XKR9: variants seen among roughly 807,000 people sequenced by gnomAD.
XKR9 encodes XK related 9, also known as XK-related protein 9.
In XKR9, 32 loss-of-function variants were observed where a neutral mutation model predicts 32.0. The ratio of observed to expected loss-of-function variants is 1.00; its 90% CI spans 0.76 to 1.34. XKR9 has a LOEUF of 1.34. Among genes scored for constraint, XKR9 ranks in the 40% most tolerant of loss-of-function variants. XKR9 has a pLI of 0.00. For synonymous variants in XKR9, 168 were observed against 143.4 expected (o/e 1.17, Z -1.22); for missense variants, 546 against 429.7 (o/e 1.27, Z -2.39).
the XKR9 span, among the ~76,000 whole-genome samples, chr8:70,915,034 G>T: frequency 2.0e-5 from 3 of 151,930 alleles, no homozygotes; most frequent in African/African-American, 7.3e-5. Context: ...CTAGGGAATG[G>T]GGAATGTGAT....
intron 3 of XKR9, among the ~76,000 whole-genome samples, chr8:70,696,962 A>G (rs1805302772): frequency 6.6e-6 from 1 of 150,770 alleles, no homozygotes; most frequent in African/African-American, 2.4e-5. Context: ...ATGGGAGTTC[A>G]CTCATGATTT....
chr8:70,736,212 C>T (rs558966447), downstream of XKR9, among the ~76,000 whole-genome samples: 1 of 152,224 alleles, frequency 6.6e-6, no homozygotes, highest in African/African-American at 2.4e-5. Flanking sequence ...CTCTGATGGC[C>T]AGTGATGGTG....
chr8:70,898,384 A>G, the XKR9 span, among the ~76,000 whole-genome samples: 1 of 152,126 alleles, frequency 6.6e-6, no homozygotes, highest in Non-Finnish European at 1.5e-5. Flanking sequence ...TGCGCAGGAC[A>G]GCTTTGGCTA....
chr8:70,734,002 CTGT>C lies in XKR9; in HGVS notation c.705_707del (p.Leu236del), dbSNP rs1490521340. On this transcript the variant is annotated inframe_deletion, in exon 5 of 5. Transcript: ENST00000408926. ...CTTAAATGTTAAGATTGCTTTATTT[CTGT>C]TGTTATTTCTTTGGTTGTTAGGTAT... The C allele has an allele frequency of 1.9e-6, 3 of 1,612,278 alleles. No homozygotes were observed. The highest frequency in any genetic ancestry group is 1.1e-5 in the South Asian group (1 of 90,504).
the XKR9 span, among the ~76,000 whole-genome samples, chr8:70,899,915 G>GTAT: frequency 1.3e-5 from 2 of 152,032 alleles, no homozygotes; most frequent in Non-Finnish European, 2.9e-5. Flanking sequence ...TTTTTTGAGA[G>GTAT]TATCTGTAGA....
At chr8:70,857,183 A>G in the XKR9 span, among the ~76,000 whole-genome samples, 4 of 151,464 alleles carry the variant, frequency 2.6e-5, no homozygotes, top group African/African-American at 4.8e-5. Context: ...ATGAATCCAG[A>G]AGCTGGTTTT....
the XKR9 span, among the ~76,000 whole-genome samples, chr8:71,012,798 C>T: frequency 2.4e-3 from 367 of 152,238 alleles, 12 homozygotes; most frequent in East Asian, 0.059. Flanking sequence ...CTCAAGTAGT[C>T]CACATTCAGA....
chr8:70,803,689 G>A, the XKR9 span, among the ~76,000 whole-genome samples: 2 of 152,190 alleles, frequency 1.3e-5, no homozygotes, highest in African/African-American at 4.8e-5. Context: ...ATTTTAGCCT[G>A]CTTCTGGGTC....
the XKR9 span, among the ~76,000 whole-genome samples, chr8:70,886,967 A>T: frequency 1.3e-5 from 2 of 152,082 alleles, no homozygotes; most frequent in African/African-American, 4.8e-5. Flanking sequence ...GCTTATGCCT[A>T]TGTTCTTTAC....
At chr8:70,917,492 A>G in the XKR9 span, among the ~76,000 whole-genome samples, 3 of 151,904 alleles carry the variant, frequency 2.0e-5, no homozygotes, top group African/African-American at 7.3e-5. Flanking sequence ...TTTTGACTCT[A>G]TGATGGGTTT....
intron 3 of XKR9, among the ~76,000 whole-genome samples, chr8:70,699,850 A>G (rs1391312404): frequency 1.3e-5 from 2 of 152,138 alleles, no homozygotes; most frequent in African/African-American, 4.8e-5. Flanking sequence ...CTTTTCACAT[A>G]GTCCCATATT....
At chr8:71,050,256 T>TAGATAG in the XKR9 span, among the ~76,000 whole-genome samples, 3 of 130,898 alleles carry the variant, frequency 2.3e-5, no homozygotes, top group African/African-American at 9.9e-5. Flanking sequence ...TATATATATA[T>TAGATAG]ATATAGATAG....
the XKR9 span, among the ~76,000 whole-genome samples, chr8:70,809,719 T>A: frequency 5.9e-5 from 9 of 151,846 alleles, no homozygotes; most frequent in South Asian, 8.3e-4. Flanking sequence ...ATGAATGAAA[T>A]GAAGTGAGAA....
downstream of XKR9, among the ~76,000 whole-genome samples, chr8:70,736,288 G>T (rs563550316): frequency 2.7e-5 from 4 of 150,516 alleles, no homozygotes; most frequent in African/African-American, 9.7e-5. Flanking sequence ...GTCTGTTCAT[G>T]TCCTTCGCCC....
the XKR9 span, among the ~76,000 whole-genome samples, chr8:70,826,791 T>C: frequency 6.6e-6 from 1 of 152,182 alleles, no homozygotes; most frequent in African/African-American, 2.4e-5. Flanking sequence ...CATTTTAAAA[T>C]AAAAATGCTC....
chr8:70,955,914 T>G, the XKR9 span, among the ~76,000 whole-genome samples: 1 of 152,184 alleles, frequency 6.6e-6, no homozygotes, highest in African/African-American at 2.4e-5. Context: ...TACAAGCCAC[T>G]TCCGCAGTGG....
the XKR9 span, among the ~76,000 whole-genome samples, chr8:71,046,797 A>G: frequency 6.6e-6 from 1 of 152,220 alleles, no homozygotes; most frequent in South Asian, 2.1e-4. Flanking sequence ...GATCGAGTGA[A>G]TATGATTTAG....
intron 2 of XKR9, among the ~76,000 whole-genome samples, chr8:70,752,849 TAAAA>T (rs1338702102): frequency 1.2e-4 from 18 of 151,928 alleles, no homozygotes; most frequent in African/African-American, 4.3e-4. Flanking sequence ...ACATCACAAT[TAAAA>T]GAACTAGAAA....
intron 2 of XKR9, among the ~76,000 whole-genome samples, chr8:70,761,078 G>A (rs1222305484): frequency 1.3e-5 from 2 of 152,196 alleles, no homozygotes; most frequent in Non-Finnish European, 2.9e-5. Flanking sequence ...ATTCCACAGT[G>A]CTTATGTACC....
Sources: allele counts gnomAD v4.1 joint callset (sites outside exome capture counted in the v4.1 genomes callset), GRCh38; gene constraint gnomAD v4.1.1; transcripts MANE v1.5; gene names NCBI Gene and HGNC (gene_info 2026-07-23, HGNC 2026-07-21).